PTPRD: variants seen among roughly 807,000 people sequenced by gnomAD.
The protein encoded by PTPRD is receptor-type tyrosine-protein phosphatase delta.
In PTPRD, 34 loss-of-function variants were observed where a neutral mutation model predicts 214.5. The ratio of observed to expected loss-of-function variants is 0.16; its 90% confidence interval spans 0.12 to 0.21. The LOEUF is 0.21. Among genes scored for constraint, PTPRD ranks in the 10% least tolerant of loss-of-function variants. The pLI is 1.00. For missense variants in PTPRD, 2,545 were observed against 2,398.7 expected (o/e 1.06, Z -1.27); for synonymous variants, 1,128 against 845.7 (o/e 1.33, Z -5.79).
At chr9:10,295,733 T>C (rs1336580749) in intron 3 of PTPRD, among the ~76,000 whole-genome samples, 1 of 152,104 alleles carries the variant, frequency 6.6e-6, no homozygotes, top group African/African-American at 2.4e-5. Flanking sequence ...CTTTATGATA[T>C]TGACATCATC....
intron 7 of PTPRD, among the ~76,000 whole-genome samples, chr9:9,590,167 AC>A (rs1372025801): frequency 2.0e-5 from 3 of 152,044 alleles, no homozygotes; most frequent in African/African-American, 7.2e-5. Context: ...TTTTTTAAAC[AC>A]ATTTACATAT....
At chr9:8,351,149 C>A (rs10976979) in intron 39 of PTPRD, among the ~76,000 whole-genome samples, 12,346 of 152,192 alleles carry the variant, frequency 0.081, 536 homozygotes, top group Middle Eastern at 0.11. Context: ...TGAAGCGAAT[C>A]CATGTATTGA....
At chr9:8,558,062 T>G (rs1285060656) in intron 14 of PTPRD, among the ~76,000 whole-genome samples, 1 of 152,158 alleles carries the variant, frequency 6.6e-6, no homozygotes, top group East Asian at 1.9e-4. Context: ...AGCCTTTGAT[T>G]CTTTTCCCGA....
At chr9:10,306,429 TAAC>T (rs891931900) in intron 3 of PTPRD, among the ~76,000 whole-genome samples, 2 of 151,894 alleles carry the variant, frequency 1.3e-5, no homozygotes, top group Non-Finnish European at 2.9e-5. Context: ...ATAATAATAA[TAAC>T]AATAATAAAA....
At position 8,499,657 on chromosome 9, in the gene PTPRD, G is replaced by C. The variant is rs1375103552; in HGVS notation, c.2312C>G (p.Ala771Gly). Reference sequence around the variant, plus strand: ...ATTTCAGAGGCTTACCTGTGCATCAGCCAGCATGACATCTTTCAGCATGGG... The same window carrying C: ...ATTTCAGAGGCTTACCTGTGCATCACCCAGCATGACATCTTTCAGCATGGG... ...GQPMLKDVML[A>G]DAQWEFDDTT... The change falls in exon 25 of 46, where the codon GCT becomes GGT. Residue 771 changes from alanine (A) to glycine (G), a missense_variant. By Grantham distance (60) the Ala-to-Gly change is moderately conservative (BLOSUM62 0). Coordinates refer to ENST00000381196, the MANE Select transcript of PTPRD (RefSeq NM_002839.4). 10 of 1,613,016 alleles carry C rather than the reference G, an allele frequency of 6.2e-6. No homozygotes were observed. The highest frequency in any genetic ancestry group is 2.2e-5 in the East Asian group (1 of 44,840).
At chr9:9,268,338 A>G (rs1367931471) in intron 9 of PTPRD, among the ~76,000 whole-genome samples, 1 of 149,336 alleles carries the variant, frequency 6.7e-6, no homozygotes, top group African/African-American at 2.5e-5. Flanking sequence ...ATGAAAATAT[A>G]AGACATCGAT....
intron 10 of PTPRD, among the ~76,000 whole-genome samples, chr9:9,068,291 A>G (rs932329288): frequency 6.6e-5 from 10 of 152,162 alleles, no homozygotes; most frequent in African/African-American, 2.4e-4. Context: ...AGCTACTAGA[A>G]ATAAAATTTC....
chr9:8,354,021 C>T (rs1456831551), intron 39 of PTPRD, among the ~76,000 whole-genome samples: 4 of 141,300 alleles, frequency 2.8e-5, no homozygotes, highest in African/African-American at 1.1e-4. Flanking sequence ...TGCAGTGGTG[C>T]GATCTCAGCT....
At chr9:10,139,976 G>A (rs971356531) in intron 3 of PTPRD, among the ~76,000 whole-genome samples, 12 of 151,874 alleles carry the variant, frequency 7.9e-5, no homozygotes, top group African/African-American at 2.9e-4. Flanking sequence ...TATCAGCCTT[G>A]GCAAATAATT....
intron 11 of PTPRD, among the ~76,000 whole-genome samples, chr9:8,812,014 G>C (rs1280476783): frequency 6.6e-6 from 1 of 152,166 alleles, no homozygotes; most frequent in African/African-American, 2.4e-5. Context: ...ATTCCATAAA[G>C]ATCAAGGTTC....
At chr9:8,831,907 G>A (rs1690090289) in intron 11 of PTPRD, among the ~76,000 whole-genome samples, 1 of 98,942 alleles carries the variant, frequency 1.0e-5, no homozygotes, top group Non-Finnish European at 2.0e-5. Flanking sequence ...TTCTCCTTTA[G>A]TGCTTTTTTT....
chr9:10,019,824 T>C (rs1589075409), intron 4 of PTPRD, among the ~76,000 whole-genome samples: 2 of 152,246 alleles, frequency 1.3e-5, no homozygotes, highest in African/African-American at 2.4e-5. Flanking sequence ...TTATACCTAA[T>C]GTTAAATGAC....
chr9:9,214,116 T>G (rs921580861), intron 9 of PTPRD, among the ~76,000 whole-genome samples: 1 of 151,518 alleles, frequency 6.6e-6, no homozygotes, highest in Non-Finnish European at 1.5e-5. Flanking sequence ...ACCAACAGAG[T>G]GTTGTCTGCC....
intron 8 of PTPRD, among the ~76,000 whole-genome samples, chr9:9,561,973 T>G (rs373550291): frequency 6.6e-6 from 1 of 152,190 alleles, no homozygotes; most frequent in South Asian, 2.1e-4. Context: ...ACATTCACTT[T>G]TTTAATCTTC....
intron 10 of PTPRD, among the ~76,000 whole-genome samples, chr9:9,085,629 G>T (rs1028280321): frequency 6.6e-6 from 1 of 150,958 alleles, no homozygotes; most frequent in Non-Finnish European, 1.5e-5. Context: ...TTTTTAAAAT[G>T]TCACTACTCA....
chr9:9,425,002 A>G (rs539997298), intron 8 of PTPRD, among the ~76,000 whole-genome samples: 6 of 152,300 alleles, frequency 3.9e-5, no homozygotes, highest in Admixed American at 2.6e-4. Flanking sequence ...AGATTTCAGC[A>G]GAAGTGTTAT....
chr9:8,489,014 C>T lies in PTPRD; in HGVS notation c.2468-2665G>A, dbSNP rs117636491. Among the ~76,000 whole-genome samples the T allele has an allele frequency of 6.0e-3, 913 of 152,228 alleles. 6 individuals carry two copies. The highest frequency in any genetic ancestry group is 0.01 in the Non-Finnish European group (713 of 68,012). On this transcript the variant is annotated intron_variant, in intron 27 of 45. Coordinates refer to ENST00000381196, the MANE Select transcript of PTPRD (RefSeq NM_002839.4). Reference sequence around the variant, plus strand: ...GTGTATCCTGTTTCCGTGAGATGCACGTAAAGCTAGGATAAATAAAAATAA... The same window carrying T: ...GTGTATCCTGTTTCCGTGAGATGCATGTAAAGCTAGGATAAATAAAAATAA...
chr9:8,580,803 C>A (rs960678705), intron 14 of PTPRD, among the ~76,000 whole-genome samples: 1 of 152,098 alleles, frequency 6.6e-6, no homozygotes, highest in African/African-American at 2.4e-5. Flanking sequence ...CTTATATAAA[C>A]AGCAAATAGC....
chr9:8,850,304 T>C (rs1048681867), intron 11 of PTPRD, among the ~76,000 whole-genome samples: 3 of 152,096 alleles, frequency 2.0e-5, no homozygotes, highest in African/African-American at 4.8e-5. Flanking sequence ...GATAGACATA[T>C]GGCAGGAGAC....
Sources: gnomAD v4.1 joint callset for allele counts (sites outside exome capture counted in the v4.1 genomes callset) on GRCh38, gnomAD v4.1.1 for gene constraint, MANE v1.5 for transcripts, NCBI Gene and HGNC (gene_info 2026-07-23, HGNC 2026-07-21) for gene names.